Variants in DIAPH2 observed in about 807,000 individuals in gnomAD.
DIAPH2 encodes protein diaphanous homolog 2.
A neutral mutation model predicts 92.7 loss-of-function variants in DIAPH2; 35 were observed. The ratio of observed to expected loss-of-function variants is 0.38; its 90% confidence interval spans 0.29 to 0.50. DIAPH2 has a LOEUF of 0.50. Among genes scored for constraint, DIAPH2 ranks in the 20% least tolerant of loss-of-function variants. DIAPH2 has a pLI of 0.94. For missense variants in DIAPH2, 701 were observed against 819.5 expected (o/e 0.86, Z 1.77); for synonymous variants, 301 against 280.4 (o/e 1.07, Z -0.73).
intron 17 of DIAPH2, among the ~76,000 whole-genome samples, chrX:97,016,954 C>T (rs2066265080): frequency 9.0e-6 from 1 of 111,592 alleles, no homozygotes; most frequent in Non-Finnish European, 1.9e-5. Flanking sequence ...TTGAATGTGA[C>T]TATTTTTTAA....
chrX:97,085,998 C>T (rs1020974007), intron 19 of DIAPH2, among the ~76,000 whole-genome samples: 13 of 111,118 alleles, frequency 1.2e-4, no homozygotes, highest in African/African-American at 3.9e-4. Context: ...CAGGAAAGAC[C>T]GTAAGCAGGA....
At chrX:96,843,978 C>T (rs1378601301) in intron 4 of DIAPH2, among the ~76,000 whole-genome samples, 1 of 112,056 alleles carries the variant, frequency 8.9e-6, no homozygotes, top group African/African-American at 3.2e-5. Flanking sequence ...AATTGAGTGG[C>T]ATAATTTATG....
intron 4 of DIAPH2, among the ~76,000 whole-genome samples, chrX:96,824,770 C>T (rs962055092): frequency 3.6e-5 from 4 of 111,347 alleles, no homozygotes; most frequent in Non-Finnish European, 7.5e-5. Context: ...AGTGAGCATA[C>T]ATCACCTATC....
chrX:96,793,459 G>A (rs781109439), intron 4 of DIAPH2, among the ~76,000 whole-genome samples: 1 of 112,961 alleles, frequency 8.9e-6, no homozygotes, highest in Admixed American at 9.3e-5. Context: ...ACAAGTGACC[G>A]TGCCCGGCCC....
At chrX:97,036,064 G>A (rs1477292962) in intron 17 of DIAPH2, among the ~76,000 whole-genome samples, 1 of 111,616 alleles carries the variant, frequency 9.0e-6, no homozygotes, top group Non-Finnish European at 1.9e-5. Context: ...TTGAATATCA[G>A]ATACTTTATT....
intron 4 of DIAPH2, chrX:96,793,476 A>G (rs111995508): frequency 3.6e-6 from 1 of 280,617 alleles, no homozygotes; most frequent in Non-Finnish European, 6.8e-6. Context: ...GCCCCCTTCC[A>G]CTTTTTAAAC....
chrX:97,286,339 G>A (rs1029737650), intron 23 of DIAPH2, among the ~76,000 whole-genome samples: 6 of 110,641 alleles, frequency 5.4e-5, no homozygotes, highest in Admixed American at 2.9e-4. Flanking sequence ...ATGAGCCACC[G>A]CGCCTGGCCC....
At chrX:97,369,655 G>C (rs1243542370) in intron 24 of DIAPH2, among the ~76,000 whole-genome samples, 1 of 110,528 alleles carries the variant, frequency 9.0e-6, no homozygotes, top group Admixed American at 9.7e-5. Context: ...AAAGGGAAAG[G>C]TGCTACCCCA....
At chrX:96,935,911 C>T (rs1043462295) in intron 10 of DIAPH2, among the ~76,000 whole-genome samples, 1 of 111,445 alleles carries the variant, frequency 9.0e-6, no homozygotes, top group African/African-American at 3.3e-5. Context: ...CTGTAAAATG[C>T]GTGACAGGTT....
chrX:97,231,261 G>A (rs2068007565), intron 22 of DIAPH2, among the ~76,000 whole-genome samples: 1 of 77,884 alleles, frequency 1.3e-5, no homozygotes, highest in African/African-American at 5.1e-5. Flanking sequence ...TTTTTTTTGA[G>A]TAAATTACTC....
At chrX:97,570,159 T>TAGAC (rs1342433794) in intron 26 of DIAPH2, among the ~76,000 whole-genome samples, 1 of 86,772 alleles carries the variant, frequency 1.2e-5, no homozygotes, top group African/African-American at 4.2e-5. Context: ...GATAGATAGA[T>TAGAC]AGATATACTA....
chrX:96,874,175 A>G lies in DIAPH2; in HGVS notation c.448-7404A>G, dbSNP rs190132787. ...AAGTACTAGATTTAAGTAAGAGGTT[A>G]CTGAAAATATGTTTTCCTTTCCAAA... On this transcript the variant is annotated intron_variant, in intron 4 of 26. Transcript: ENST00000324765. 6.0e-3 allele frequency among the ~76,000 whole-genome samples: 676 copies of G among 112,053 alleles called. 11 individuals are homozygous for G. The highest frequency in any genetic ancestry group is 0.021 in the African/African-American group (643 of 30,905).
chrX:96,968,715 G>A (rs1309970958), intron 17 of DIAPH2, among the ~76,000 whole-genome samples: 1 of 111,819 alleles, frequency 8.9e-6, no homozygotes. Context: ...TTATTTTGTT[G>A]TGCAGAAGCT....
At chrX:97,376,417 A>G (rs1333131476) in intron 24 of DIAPH2, among the ~76,000 whole-genome samples, 3 of 111,403 alleles carry the variant, frequency 2.7e-5, no homozygotes, top group African/African-American at 9.8e-5. Flanking sequence ...TGTTTCTTCA[A>G]ATTTTTACCT....
chrX:97,275,420 GC>G (rs778190264), intron 23 of DIAPH2, among the ~76,000 whole-genome samples: 5 of 104,543 alleles, frequency 4.8e-5, no homozygotes, highest in African/African-American at 1.1e-4. Flanking sequence ...GGCGGGGGCT[GC>G]CCCCCCTTCA....
chrX:96,872,225 G>A (rs1453631115), intron 4 of DIAPH2, among the ~76,000 whole-genome samples: 1 of 110,556 alleles, frequency 9.0e-6, no homozygotes, highest in African/African-American at 3.3e-5. Context: ...CTATACTTTT[G>A]TACCCATTAA....
At chrX:97,107,841 G>C (rs773403221) in intron 20 of DIAPH2, among the ~76,000 whole-genome samples, 79 of 111,246 alleles carry the variant, frequency 7.1e-4, no homozygotes, top group African/African-American at 2.4e-3. Context: ...TTGAAGAGAC[G>C]GGGGGATCAG....
intron 17 of DIAPH2, among the ~76,000 whole-genome samples, chrX:97,064,295 T>C (rs2066619439): frequency 9.0e-6 from 1 of 111,634 alleles, no homozygotes; most frequent in African/African-American, 3.3e-5. Flanking sequence ...ATGGAGGTGA[T>C]CAGAAACTAA....
chrX:97,140,024 T>TA (rs2067199595), intron 21 of DIAPH2, among the ~76,000 whole-genome samples: 21 of 105,739 alleles, frequency 2.0e-4, no homozygotes, highest in South Asian at 1.2e-3. Context: ...GTGTTCTTTT[T>TA]TAAAAAAAAA....
Sources: gnomAD v4.1 joint callset for allele counts (sites outside exome capture counted in the v4.1 genomes callset) on GRCh38, gnomAD v4.1.1 for gene constraint, MANE v1.5 for transcripts, NCBI Gene and HGNC (gene_info 2026-07-23, HGNC 2026-07-21) for gene names.